Variants in BANK1 observed in about 807,000 individuals in gnomAD.
BANK1 encodes B cell scaffold protein with ankyrin repeats 1, also known as B-cell scaffold protein with ankyrin repeats.
Under a neutral mutation model 94.5 loss-of-function variants are expected in BANK1, and 95 were observed. The ratio of observed to expected loss-of-function variants is 1.00; its 90% CI spans 0.85 to 1.19. The LOEUF (loss-of-function observed/expected upper bound fraction) is 1.19. Among genes scored for constraint, BANK1 ranks in the 50% most tolerant of loss-of-function variants. BANK1 has a pLI of 0.00. For missense variants in BANK1, 987 were observed against 932.2 expected (o/e 1.06, Z -0.77); for synonymous variants, 334 against 308.4 (o/e 1.08, Z -0.87).
chr4:101,803,257 A>G (rs921752758), intron 1 of BANK1, among the ~76,000 whole-genome samples: 1 of 152,262 alleles, frequency 6.6e-6, no homozygotes, highest in African/African-American at 2.4e-5. Flanking sequence ...TATGCATGCC[A>G]TAGTGTAAAT....
At chr4:101,931,113 G>A (rs1723324126) in intron 7 of BANK1, among the ~76,000 whole-genome samples, 2 of 151,442 alleles carry the variant, frequency 1.3e-5, no homozygotes, top group South Asian at 4.1e-4. Flanking sequence ...TCTGTTCTTT[G>A]GCTGCTTTAT....
intron 6 of BANK1, among the ~76,000 whole-genome samples, chr4:101,903,224 T>G (rs1722338706): frequency 6.6e-6 from 1 of 152,162 alleles, no homozygotes; most frequent in Non-Finnish European, 1.5e-5. Context: ...ATTAGTTAAT[T>G]TCAAAACCTG....
Position 102,060,293 on chromosome 4 carries a change from G to A in BANK1, c.2052G>A (p.Gln684=). 1.2e-6 allele frequency: 2 copies of A among 1,610,706 alleles called. No homozygotes were observed. Among genetic ancestry groups the A allele is most frequent in the Non-Finnish European group, 8.5e-7 (1 of 1,178,886 alleles). ...GTCAGGAAGAACTCATCCTCCTGCAGGAGAAAGTAAAGAATGGGAAAATGT... is the reference window on the plus strand; with the variant it reads ...GTCAGGAAGAACTCATCCTCCTGCAAGAGAAAGTAAAGAATGGGAAAATGT... ...TDGQEELILL[Q]EKVKNGKMSM... Residue 684 remains glutamine (Q), a synonymous_variant, in exon 12 of 17, where the codon CAG becomes CAA. Transcript: ENST00000322953.
chr4:101,957,424 C>T (rs1724384804), intron 7 of BANK1, among the ~76,000 whole-genome samples: 1 of 152,168 alleles, frequency 6.6e-6, no homozygotes, highest in Admixed American at 6.5e-5. Flanking sequence ...CTACCAGACA[C>T]TATCCTCTCT....
intron 7 of BANK1, among the ~76,000 whole-genome samples, chr4:101,922,455 C>T (rs944652749): frequency 6.6e-6 from 1 of 151,698 alleles, no homozygotes; most frequent in Non-Finnish European, 1.5e-5. Context: ...GTGGGCTCTC[C>T]TCCCCTCCCA....
At chr4:102,064,221 T>C (rs140686089) in intron 13 of BANK1, among the ~76,000 whole-genome samples, 216 of 152,316 alleles carry the variant, frequency 1.4e-3, no homozygotes, top group African/African-American at 4.9e-3. Flanking sequence ...TCTCTTCATA[T>C]TATACAGTTA....
chr4:101,896,903 A>C (rs1722100625), intron 6 of BANK1, among the ~76,000 whole-genome samples: 1 of 151,950 alleles, frequency 6.6e-6, no homozygotes, highest in Non-Finnish European at 1.5e-5. Flanking sequence ...TGATTACATA[A>C]ATTTTGGTGC....
At chr4:102,006,463 A>G (rs933775327) in intron 7 of BANK1, among the ~76,000 whole-genome samples, 3 of 151,986 alleles carry the variant, frequency 2.0e-5, no homozygotes, top group African/African-American at 4.8e-5. Context: ...CCACTACACT[A>G]TCTGATGCTG....
intron 1 of BANK1, among the ~76,000 whole-genome samples, chr4:101,793,346 G>A (rs999121904): frequency 6.6e-6 from 1 of 152,140 alleles, no homozygotes; most frequent in Non-Finnish European, 1.5e-5. Flanking sequence ...TTCCATGCTG[G>A]TGGCTGGAAA....
chr4:101,801,498 ATATG>A (rs1280960091), intron 1 of BANK1, among the ~76,000 whole-genome samples: 1 of 152,194 alleles, frequency 6.6e-6, no homozygotes, highest in Non-Finnish European at 1.5e-5. Flanking sequence ...ATATTGTTGA[ATATG>A]TATTATGAGA....
intron 1 of BANK1, among the ~76,000 whole-genome samples, chr4:101,817,716 C>T (rs560878309): frequency 5.3e-5 from 8 of 152,160 alleles, no homozygotes; most frequent in South Asian, 2.1e-4. Flanking sequence ...AATTGTCTTT[C>T]GGTATACAGG....
intron 7 of BANK1, among the ~76,000 whole-genome samples, chr4:102,016,169 A>G (rs1726692590): frequency 1.3e-5 from 2 of 152,040 alleles, no homozygotes; most frequent in Admixed American, 1.3e-4. Context: ...TATCCCACCC[A>G]CTCAGTGGAA....
At chr4:101,813,846 A>C in intron 1 of BANK1, 1 of 985,384 alleles carries the variant, frequency 1.0e-6, no homozygotes. Context: ...AGGGCTGCAG[A>C]GGATGCACAC....
chr4:101,810,269 A>G (rs1725695663), intron 1 of BANK1, among the ~76,000 whole-genome samples: 1 of 152,210 alleles, frequency 6.6e-6, no homozygotes, highest in Non-Finnish European at 1.5e-5. Context: ...TCAAACTCCT[A>G]ACTTTCAGAA....
At chr4:101,979,841 A>G (rs748596408) in intron 7 of BANK1, among the ~76,000 whole-genome samples, 3 of 151,896 alleles carry the variant, frequency 2.0e-5, no homozygotes, top group Admixed American at 6.6e-5. Context: ...TAAATTGTCA[A>G]ACATAGAATT....
intron 11 of BANK1, among the ~76,000 whole-genome samples, chr4:102,058,791 T>C (rs1351495354): frequency 6.8e-6 from 1 of 147,334 alleles, no homozygotes; most frequent in Non-Finnish European, 1.5e-5. Context: ...TGAATGGAAA[T>C]GGTGAGAAGG....
intron 10 of BANK1, among the ~76,000 whole-genome samples, chr4:102,036,336 AT>A (rs1311714159): frequency 1.3e-5 from 2 of 152,208 alleles, no homozygotes; most frequent in Non-Finnish European, 2.9e-5. Context: ...TGCAATTGAA[AT>A]GCAAAAAGAG....
At chr4:102,039,830 G>A (rs1321955673) in intron 10 of BANK1, among the ~76,000 whole-genome samples, 1 of 151,976 alleles carries the variant, frequency 6.6e-6, no homozygotes, top group Non-Finnish European at 1.5e-5. Context: ...TCCCCTGAAA[G>A]CCCAGAGCAC....
intron 7 of BANK1, among the ~76,000 whole-genome samples, chr4:102,010,751 A>G (rs1279955275): frequency 6.6e-6 from 1 of 152,210 alleles, no homozygotes; most frequent in East Asian, 1.9e-4. Flanking sequence ...ACAGGGCATA[A>G]TAATTACTTT....
Sources: gnomAD v4.1 joint callset for allele counts (sites outside exome capture counted in the v4.1 genomes callset) on GRCh38, gnomAD v4.1.1 for gene constraint, MANE v1.5 for transcripts, NCBI Gene and HGNC (gene_info 2026-07-23, HGNC 2026-07-21) for gene names.